Variants in MYH15 observed in about 807,000 individuals in gnomAD.
The protein encoded by MYH15 is myosin heavy chain 15.
Under a neutral mutation model 240.5 loss-of-function variants are expected in MYH15, and 227 were observed. The observed-to-expected ratio is 0.94, with a 90% CI of 0.85 to 1.05. The LOEUF is 1.05. Among genes scored for constraint, MYH15 ranks in the 50% least tolerant of loss-of-function variants. The pLI is 0.00. For synonymous variants in MYH15, 785 were observed against 796.7 expected (o/e 0.99, Z 0.25); for missense variants, 2,217 against 2,247.5 (o/e 0.99, Z 0.27).
intron 27 of MYH15, among the ~76,000 whole-genome samples, chr3:108,427,344 G>A (rs568162092): frequency 1.3e-5 from 2 of 152,088 alleles, no homozygotes; most frequent in African/African-American, 2.4e-5. Flanking sequence ...AGGTGATGAA[G>A]TCATGAGGAT....
intron 14 of MYH15, among the ~76,000 whole-genome samples, chr3:108,467,873 G>A (rs2083133666): frequency 6.6e-6 from 1 of 151,910 alleles, no homozygotes; most frequent in African/African-American, 2.4e-5. Context: ...TTTGTTCACA[G>A]CACAAATGTG....
At position 108,386,406 on chromosome 3, in the gene MYH15, A is replaced by C. The variant is rs114700404; in HGVS notation, c.5536-1624T>G. On this transcript the variant is annotated intron_variant, in intron 38 of 40. Coordinates refer to ENST00000693548, the MANE Select transcript of MYH15 (RefSeq NM_014981.3). ...CTTGACATTCAGCTGTGAGAAGTGC[A>C]GTTACCTGATAACCTCCAACTGCAG... Among the ~76,000 whole-genome samples the C allele has an allele frequency of 8.4e-3, 1,280 of 152,200 alleles. 8 individuals carry two copies. The highest frequency in any genetic ancestry group is 0.013 in the Non-Finnish European group (862 of 68,030).
At chr3:108,428,052 G>A (rs1312688605) in intron 27 of MYH15, among the ~76,000 whole-genome samples, 2 of 152,190 alleles carry the variant, frequency 1.3e-5, no homozygotes, top group Non-Finnish European at 2.9e-5. Context: ...AGATGCCAGA[G>A]GACTTGAGGG....
intron 11 of MYH15, among the ~76,000 whole-genome samples, chr3:108,480,593 A>C (rs771267782): frequency 2.0e-5 from 3 of 152,184 alleles, no homozygotes; most frequent in Non-Finnish European, 2.9e-5. Flanking sequence ...AACCCATTGC[A>C]GAATGCTGAA....
At chr3:108,463,305 A>G (rs1162376074) in intron 15 of MYH15, 62 bp from the exon 16 acceptor site, 1 of 1,530,516 alleles carries the variant, frequency 6.5e-7, no homozygotes, top group African/African-American at 1.4e-5. Flanking sequence ...TTAACATGGA[A>G]GGCTGTGCAT....
upstream of MYH15, among the ~76,000 whole-genome samples, chr3:108,532,680 C>T (rs762889681): frequency 6.6e-6 from 1 of 152,152 alleles, no homozygotes; most frequent in African/African-American, 2.4e-5. Flanking sequence ...TCTGCAGAAC[C>T]TTGACTAATA....
chr3:108,432,983 G>A (rs771057056), intron 25 of MYH15, among the ~76,000 whole-genome samples: 12 of 152,128 alleles, frequency 7.9e-5, no homozygotes, highest in Non-Finnish European at 1.5e-4. Flanking sequence ...GTAAGAAGAG[G>A]GCCACTGTCC....
intron 2 of MYH15, among the ~76,000 whole-genome samples, chr3:108,502,287 T>C (rs374919185): frequency 5.7e-4 from 87 of 152,298 alleles, no homozygotes; most frequent in African/African-American, 2.0e-3. Context: ...GTTCAAAACC[T>C]GTCTCCTCCC....
At chr3:108,404,160 G>C (rs537541894) in intron 33 of MYH15, among the ~76,000 whole-genome samples, 16 of 152,052 alleles carry the variant, frequency 1.1e-4, no homozygotes, top group African/African-American at 3.9e-4. Flanking sequence ...TCCTGTAGAA[G>C]AAAATGCCAG....
chr3:108,537,459 T>C, the MYH15 span, among the ~76,000 whole-genome samples: 2 of 152,180 alleles, frequency 1.3e-5, no homozygotes, highest in Non-Finnish European at 2.9e-5. Context: ...AGGGTGATGA[T>C]TAAGACATGA....
intron 28 of MYH15, among the ~76,000 whole-genome samples, chr3:108,420,274 C>T (rs2082671859): frequency 6.6e-6 from 1 of 152,186 alleles, no homozygotes; most frequent in Non-Finnish European, 1.5e-5. Context: ...TGAGCAAAGA[C>T]CCTTGACCTC....
At chr3:108,455,624 A>G (rs149571090) in intron 20 of MYH15, 112 bp downstream of exon 20, 2 of 1,202,430 alleles carry the variant, frequency 1.7e-6, no homozygotes, top group Non-Finnish European at 2.4e-6. Flanking sequence ...TGTGATATTT[A>G]TGGTCATGAG....
At chr3:108,519,220 A>AGATTTGT (rs1195696872) in intron 1 of MYH15, among the ~76,000 whole-genome samples, 3 of 152,236 alleles carry the variant, frequency 2.0e-5, no homozygotes, top group African/African-American at 7.2e-5. Flanking sequence ...AGAAAAATTT[A>AGATTTGT]GATTTGTGGT....
intron 25 of MYH15, 68 bp from the exon 26 acceptor site, chr3:108,430,990 TG>T: frequency 9.4e-7 from 1 of 1,063,264 alleles, no homozygotes; most frequent in Non-Finnish European, 1.4e-6. Flanking sequence ...TAGTTAGAAT[TG>T]TAATATTCCT....
intron 30 of MYH15, among the ~76,000 whole-genome samples, chr3:108,412,654 T>C (rs998002941): frequency 5.3e-5 from 8 of 152,224 alleles, no homozygotes; most frequent in African/African-American, 1.9e-4. Context: ...CATAAGCACC[T>C]ACTTAGTTAT....
intron 22 of MYH15, among the ~76,000 whole-genome samples, chr3:108,442,652 A>G (rs1339319805): frequency 1.3e-5 from 2 of 152,150 alleles, no homozygotes; most frequent in Non-Finnish European, 2.9e-5. Flanking sequence ...GTGGCAGTTT[A>G]GCAGTAGGAA....
chr3:108,423,312 A>T (rs538081880), intron 27 of MYH15, among the ~76,000 whole-genome samples: 1 of 152,302 alleles, frequency 6.6e-6, no homozygotes, highest in African/African-American at 2.4e-5. Flanking sequence ...AAGACTACTG[A>T]ATTATGTCTT....
chr3:108,506,095 A>C (rs1475206669), intron 1 of MYH15, among the ~76,000 whole-genome samples: 6 of 151,980 alleles, frequency 3.9e-5, no homozygotes, highest in African/African-American at 4.8e-5. Flanking sequence ...GTTACCTCCC[A>C]ACACCCCTCC....
In MYH15 at chr3:108,476,998, T is replaced by G. The variant is rs573623211; in HGVS notation, c.1115-483A>C. Among the ~76,000 whole-genome samples the G allele has an allele frequency of 2.6e-5, 4 of 152,234 alleles. No homozygotes were observed. The East Asian group carries it at 7.7e-4, about 29-fold the overall frequency. On this transcript the variant is annotated intron_variant, in intron 11 of 40. Coordinates refer to ENST00000693548, the MANE Select transcript of MYH15 (RefSeq NM_014981.3). ...CACACCCAAGATAAATGAAAACATA[T>G]GTTCACACAAAAAATTGTACACAAA...
Sources: gnomAD v4.1 joint callset for allele counts (sites outside exome capture counted in the v4.1 genomes callset) on GRCh38, gnomAD v4.1.1 for gene constraint, MANE v1.5 for transcripts, NCBI Gene and HGNC (gene_info 2026-07-23, HGNC 2026-07-21) for gene names.